CFAP410: variants seen among roughly 807,000 people sequenced by gnomAD.
CFAP410 encodes the protein cilia- and flagella-associated protein 410.
In CFAP410, 27 loss-of-function variants were observed where a neutral mutation model predicts 25.7. The observed-to-expected ratio is 1.05, with a 90% confidence interval of 0.77 to 1.45. The LOEUF (loss-of-function observed/expected upper bound fraction) is 1.45. Among genes scored for constraint, CFAP410 ranks in the 40% most tolerant of loss-of-function variants. The pLI is 0.00. For synonymous variants in CFAP410, 178 were observed against 158.4 expected, an observed-to-expected ratio of 1.12 and a Z score of -0.93; for missense variants, 428 against 354.1, an observed-to-expected ratio of 1.21 and a Z score of -1.67.
At chr21:44,333,749 T>C (rs999142247) in intron 3 of CFAP410, 5 of 304,596 alleles carry the variant, frequency 1.6e-5, no homozygotes, top group East Asian at 1.9e-4. Flanking sequence ...ATTTCCATTC[T>C]ACAGAACGTG....
At chr21:44,334,524 C>CTCCACCTCTGGGCGGGCACGCGCA (rs1568989796) in intron 3 of CFAP410, 1 of 30,844 alleles carries the variant, frequency 3.2e-5, no homozygotes, top group Admixed American at 4.3e-4. Context: ...CGCACCCCCC[C>CTCCACCTCTGGGCGGGCACGCGCA]CCCCCCCCCG....
intron 4 of CFAP410, 80 bp downstream of exon 4, chr21:44,332,953 G>T (rs1404173437): frequency 2.1e-6 from 2 of 943,034 alleles, no homozygotes; most frequent in East Asian, 5.3e-5. Context: ...TGCAGAAAAG[G>T]AGAAGAGAAA....
At chr21:44,339,010 C>T in intron 1 of CFAP410, 108 bp downstream of exon 1, 1 of 424,270 alleles carries the variant, frequency 2.4e-6, no homozygotes. Flanking sequence ...CGGCTCCTCC[C>T]TCCGGCTCCG....
At chr21:44,336,257 C>T (rs1288726395) in intron 2 of CFAP410, among the ~76,000 whole-genome samples, 1 of 152,200 alleles carries the variant, frequency 6.6e-6, no homozygotes, top group African/African-American at 2.4e-5. Context: ...TCCTTGCACG[C>T]ACTCTGTCTT....
In CFAP410 at chr21:44,331,854, C is replaced by T; in HGVS notation, c.534G>A (p.Glu178=). The T allele has an allele frequency of 6.2e-7, 1 of 1,611,212 alleles. No homozygotes were observed. The highest frequency in any genetic ancestry group is 8.5e-7 in the Non-Finnish European group (1 of 1,179,602). ...CCCTCCAGCCTCACGTTGCCTCCTC[C>T]TCGCTGTCCAGCGGGTCCCGGCCAG... is the stretch of plus-strand genomic sequence containing the variant. ...AETGRDPLDS[E]EEATSGAQDE... Residue 178 remains glutamate (E), a synonymous_variant, in exon 5 of 7, where the codon GAG becomes GAA. Coordinates refer to ENST00000339818, the MANE Select transcript of CFAP410 (RefSeq NM_004928.3).
intron 4 of CFAP410, chr21:44,332,376 A>G (rs73907172): frequency 0.031 from 6,388 of 206,886 alleles, 362 homozygotes; most frequent in African/African-American, 0.12. Context: ...TATATTATTA[A>G]TATCAATAAA....
rs1375198699 is a variant in CFAP410 at position 44,330,288 on chromosome 21, C to G, written c.681G>C (p.Leu227=). 2 of 1,609,930 alleles carry G rather than the reference C, an allele frequency of 1.2e-6. No individual in the cohort carries two copies. The highest frequency in any genetic ancestry group is 1.7e-6 in the Non-Finnish European group (2 of 1,179,060). ...GCACGGCCTCCAGCCCCTCTGCATC[C>G]AGCTCCCGCAGCAGCAGCAGGATGG... ...LTAILLLLRE[L]DAEGLEAVQQ... The change falls in exon 7 of 7, where the codon CTG becomes CTC. Residue 227 remains leucine, a synonymous_variant. Transcript: ENST00000339818.
At position 44,335,779 on chromosome 21, in the gene CFAP410, C is replaced by A. The variant is rs1480194613; in HGVS notation, c.122G>T (p.Ser41Ile). The change falls in exon 3 of 7, where the codon AGC becomes ATC. Residue 41 changes from serine to isoleucine, a missense_variant. By Grantham distance (142) the Ser-to-Ile change is moderately radical. Coordinates refer to ENST00000339818, the MANE Select transcript of CFAP410 (RefSeq NM_004928.3). ...TDISICQEMPSLEVITLSVNS... is the reference protein window; with the variant it reads ...TDISICQEMPILEVITLSVNS... Reference sequence around the variant, plus strand: ...GTACCTGAGCGTGATCACCTCCAGGCTGGGCATCTCCTGGCAAATGGAGAT... The same window carrying A: ...GTACCTGAGCGTGATCACCTCCAGGATGGGCATCTCCTGGCAAATGGAGAT... The A allele has an allele frequency of 6.3e-7, 1 of 1,593,120 alleles. No homozygotes were observed. Among genetic ancestry groups the A allele is most frequent in the Admixed American group, 1.7e-5 (1 of 57,980 alleles).
At chr21:44,338,972 TCCCTCCGGCTCCG>T (rs1175377403) in intron 1 of CFAP410, 133 bp downstream of exon 1, 1 of 57,110 alleles carries the variant, frequency 1.8e-5, no homozygotes, top group Non-Finnish European at 3.1e-5. Flanking sequence ...CCCCGGCTCC[TCCCTCCGGCTCCG>T]CCCTCGTCCC....
At chr21:44,330,661 G>C in intron 6 of CFAP410, 162 bp downstream of exon 6, 1 of 1,549,844 alleles carries the variant, frequency 6.5e-7, no homozygotes, top group Non-Finnish European at 8.7e-7. Context: ...TCACAGACCC[G>C]CACACGCAGC....
intron 4 of CFAP410, chr21:44,332,781 C>T (rs1431173598): frequency 5.5e-6 from 3 of 547,828 alleles, no homozygotes; most frequent in Non-Finnish European, 9.8e-6. Flanking sequence ...GCTACCAGGT[C>T]CTGCGGTCGT....
At position 44,330,857 on chromosome 21, in the gene CFAP410, G is replaced by A; in HGVS notation, c.608C>T (p.Ser203Leu). ...GTGGCTGCTCGAGGCATCCCTGGCTGAGAGGGAAGGAAACTGGCCCCGGGA... is the reference window on the plus strand; with the variant it reads ...GTGGCTGCTCGAGGCATCCCTGGCTAAGAGGGAAGGAAACTGGCCCCGGGA... ...PPSRGQFPSLSARDASSSHRG... is the reference protein window; with the variant it reads ...PPSRGQFPSLLARDASSSHRG... Residue 203 changes from serine (S) to leucine (L), a missense_variant, in exon 6 of 7, where the codon TCA (serine) becomes TTA (leucine). By Grantham distance (145) the Ser-to-Leu change is moderately radical. Transcript: ENST00000339818. The A allele has an allele frequency of 6.2e-7, 1 of 1,606,934 alleles. No homozygotes were observed. The highest frequency in any genetic ancestry group is 8.5e-7 in the Non-Finnish European group (1 of 1,176,438).
At chr21:44,332,154 A>C in intron 4 of CFAP410, 140 bp from the exon 5 acceptor site, 1 of 641,004 alleles carries the variant, frequency 1.6e-6, no homozygotes, top group Non-Finnish European at 2.5e-6. Flanking sequence ...TCCAGGGACA[A>C]CTCCCAGAGT....
At chr21:44,338,381 G>T in intron 1 of CFAP410, 1 of 1,138,990 alleles carries the variant, frequency 8.8e-7, no homozygotes, top group Non-Finnish European at 1.2e-6. Context: ...TCAACTCCAG[G>T]CTCCCTCTTC....
intron 3 of CFAP410, chr21:44,335,458 G>C (rs932315746): frequency 2.2e-6 from 1 of 452,988 alleles, no homozygotes; most frequent in Non-Finnish European, 4.0e-6. Context: ...CTGGCCCAGT[G>C]AACACAGCAA....
intron 3 of CFAP410, chr21:44,334,640 CAG>C (rs559853378): frequency 1.2e-4 from 34 of 276,718 alleles, no homozygotes; most frequent in South Asian, 1.0e-3. Flanking sequence ...CTCCATGTTA[CAG>C]AAAGGAAACT....
intron 4 of CFAP410, 189 bp from the exon 5 acceptor site, chr21:44,332,203 C>G (rs148867563): frequency 1.8e-6 from 1 of 540,724 alleles, no homozygotes; most frequent in African/African-American, 2.0e-5. Flanking sequence ...CAGCCTGGCA[C>G]AGGCTGACAC....
At chr21:44,333,866 G>A (rs779358793) in intron 3 of CFAP410, 9 of 354,222 alleles carry the variant, frequency 2.5e-5, no homozygotes, top group Non-Finnish European at 4.5e-5. Context: ...AGCCGCTCCC[G>A]CAGGCCCTCA....
intron 3 of CFAP410, chr21:44,334,468 C>G (rs1028925855): frequency 1.1e-5 from 4 of 355,966 alleles, no homozygotes; most frequent in African/African-American, 8.7e-5. Flanking sequence ...TGAAACGAGC[C>G]CCGCGGCAGG....
Sources: gnomAD v4.1 joint callset for allele counts (sites outside exome capture counted in the v4.1 genomes callset) on GRCh38, gnomAD v4.1.1 for gene constraint, MANE v1.5 for transcripts, NCBI Gene and HGNC (gene_info 2026-07-23, HGNC 2026-07-21) for gene names.